The following PLXDC2 variants were observed in gnomAD, a reference collection of about 807,000 sequenced individuals.
PLXDC2 encodes the protein plexin domain containing 2, also known as plexin domain-containing protein 2.
Under a neutral mutation model 68.9 loss-of-function variants are expected in PLXDC2, and 40 were observed. That is an observed-to-expected ratio of 0.58 (90% confidence interval 0.45 to 0.76). The LOEUF (loss-of-function observed/expected upper bound fraction) is 0.76. Among genes scored for constraint, PLXDC2 ranks in the 30% least tolerant of loss-of-function variants. PLXDC2 has a pLI of 0.00. For missense variants in PLXDC2, 644 were observed against 661.9 expected (o/e 0.97, Z 0.30); for synonymous variants, 243 against 234.2 (o/e 1.04, Z -0.34).
chr10:19,829,992 A>G (rs930863256), intron 1 of PLXDC2, among the ~76,000 whole-genome samples: 5 of 152,212 alleles, frequency 3.3e-5, no homozygotes. Flanking sequence ...CAAGATTTTA[A>G]TCCTCTCTAA....
intron 1 of PLXDC2, among the ~76,000 whole-genome samples, chr10:20,000,241 T>A (rs1216605516): frequency 6.6e-6 from 1 of 152,028 alleles, no homozygotes; most frequent in Non-Finnish European, 1.5e-5. Flanking sequence ...CAGGAGGGTG[T>A]CCACACTCAG....
intron 4 of PLXDC2, among the ~76,000 whole-genome samples, chr10:20,128,810 G>A (rs537548386): frequency 7.2e-4 from 109 of 152,210 alleles, no homozygotes; most frequent in Non-Finnish European, 1.4e-3. Context: ...TGACACAAAT[G>A]ACTTCCTTCT....
At chr10:19,884,737 T>C (rs537392833) in intron 1 of PLXDC2, among the ~76,000 whole-genome samples, 26 of 152,352 alleles carry the variant, frequency 1.7e-4, no homozygotes, top group African/African-American at 6.0e-4. Flanking sequence ...CACATTTTCT[T>C]AATCAAGTCT....
intron 4 of PLXDC2, among the ~76,000 whole-genome samples, chr10:20,139,194 C>T (rs537529702): frequency 8.4e-4 from 128 of 152,282 alleles, no homozygotes; most frequent in African/African-American, 3.0e-3. Context: ...GGTACAAGAA[C>T]AAAGCTGTTG....
Position 20,147,774 on chromosome 10 carries a change from G to C in PLXDC2, c.665-10G>C, listed in dbSNP as rs1834098725. The stretch of plus-strand genomic sequence containing the variant: ...TCATTGCATTTCTTCTTTTTTCAAT[G>C]GGTGTATAGGCACAGCACTTGTGGT... On this transcript the variant is annotated splice_polypyrimidine_tract_variant and intron_variant, in intron 5 of 13. Coordinates refer to ENST00000377252, the MANE Select transcript of PLXDC2 (RefSeq NM_032812.9). 6 of 1,482,614 alleles carry C rather than the reference G, an allele frequency of 4.0e-6. No individual in the cohort carries two copies. Among genetic ancestry groups the C allele is most frequent in the Non-Finnish European group, 5.6e-6 (6 of 1,077,464 alleles). 91.8% of individuals were successfully genotyped at this position (1,482,614 alleles called of 1,614,324 possible). A position where few individuals can be genotyped will look rare whatever the true frequency, so the allele number is the denominator to read the frequency against.
chr10:19,945,866 A>G (rs925387043), intron 1 of PLXDC2, among the ~76,000 whole-genome samples: 1 of 152,190 alleles, frequency 6.6e-6, no homozygotes, highest in South Asian at 2.1e-4. Context: ...GATTTATATT[A>G]TGCTGTTCTC....
chr10:20,074,052 A>G lies in PLXDC2; in HGVS notation c.541+5813A>G, dbSNP rs183764010. 7.6e-4 allele frequency among the ~76,000 whole-genome samples: 115 copies of G among 152,246 alleles called. 1 individual carries two copies. Among genetic ancestry groups the G allele is most frequent in the African/African-American group, 2.7e-3 (113 of 41,576 alleles). On this transcript the variant is annotated intron_variant, in intron 4 of 13. Transcript: ENST00000377252. Reference sequence around the variant, plus strand: ...TTATACAGATAATTTTGGCCCCAGAATGTAAGTATGTAGACAGATGGTGGT... The same window carrying G: ...TTATACAGATAATTTTGGCCCCAGAGTGTAAGTATGTAGACAGATGGTGGT...
intron 12 of PLXDC2, among the ~76,000 whole-genome samples, chr10:20,229,947 A>G (rs568977603): frequency 6.6e-6 from 1 of 152,374 alleles, no homozygotes; most frequent in Admixed American, 6.5e-5. Context: ...GCAAAAACAT[A>G]CAGCTCAAAA....
At chr10:20,046,633 T>A (rs1835803501) in intron 2 of PLXDC2, among the ~76,000 whole-genome samples, 1 of 152,112 alleles carries the variant, frequency 6.6e-6, no homozygotes, top group Admixed American at 6.6e-5. Context: ...AAAATTCACA[T>A]TCTAAATTTT....
At chr10:20,257,953 T>C (rs545717086) in intron 13 of PLXDC2, among the ~76,000 whole-genome samples, 5 of 151,950 alleles carry the variant, frequency 3.3e-5, no homozygotes, top group Admixed American at 2.6e-4. Context: ...CTTGGTATTT[T>C]CTACCTGCAA....
At chr10:20,150,692 C>T (rs1366826779) in intron 6 of PLXDC2, among the ~76,000 whole-genome samples, 1 of 152,206 alleles carries the variant, frequency 6.6e-6, no homozygotes, top group Non-Finnish European at 1.5e-5. Context: ...ACTTAGGTCT[C>T]ACCACCTGGA....
intron 4 of PLXDC2, among the ~76,000 whole-genome samples, chr10:20,121,958 G>A (rs1432738708): frequency 6.6e-6 from 1 of 152,070 alleles, no homozygotes; most frequent in African/African-American, 2.4e-5. Flanking sequence ...ATGGTAAGGG[G>A]TGCATGATCG....
chr10:19,893,380 C>T (rs1279867884), intron 1 of PLXDC2, among the ~76,000 whole-genome samples: 2 of 152,110 alleles, frequency 1.3e-5, no homozygotes, highest in East Asian at 3.9e-4. Context: ...AAATAGCTGA[C>T]CGCTTATAAT....
rs528321973 is a variant in PLXDC2, at chr10:19,994,253, C to CT, written c.113-7499dup. Among the ~76,000 whole-genome samples the CT allele has an allele frequency of 2.2e-3, 192 of 87,476 alleles. 1 individual carries two copies. The highest frequency in any genetic ancestry group is 4.6e-3 in the Admixed American group (31 of 6,810). 57.4% of individuals were successfully genotyped at this position (87,476 alleles called of 152,430 possible). A position where few individuals can be genotyped will look rare whatever the true frequency, so the allele number is the denominator to read the frequency against. On this transcript the variant is annotated intron_variant, in intron 1 of 13. Transcript: ENST00000377252. ...TTTCATAGGTTCCCATTGTATTCTC[C>CT]TTTTTTTTTTTTTTTTTTTTTTTAA...
intron 1 of PLXDC2, among the ~76,000 whole-genome samples, chr10:19,935,260 C>T (rs1405696984): frequency 6.6e-6 from 1 of 152,148 alleles, no homozygotes; most frequent in Non-Finnish European, 1.5e-5. Context: ...CGTGCTTCTG[C>T]GCCTGGCTTT....
intron 4 of PLXDC2, among the ~76,000 whole-genome samples, chr10:20,081,320 C>T (rs1276549261): frequency 6.6e-6 from 1 of 152,050 alleles, no homozygotes; most frequent in Non-Finnish European, 1.5e-5. Flanking sequence ...AACTATTCCA[C>T]TAGAGACACC....
intron 1 of PLXDC2, among the ~76,000 whole-genome samples, chr10:19,836,125 C>A (rs1187805310): frequency 6.6e-6 from 1 of 151,736 alleles, no homozygotes; most frequent in Admixed American, 6.6e-5. Context: ...TGCAGTGAGC[C>A]AAGATTGGTC....
At chr10:19,851,940 A>G (rs1268589358) in intron 1 of PLXDC2, among the ~76,000 whole-genome samples, 2 of 152,212 alleles carry the variant, frequency 1.3e-5, no homozygotes. Flanking sequence ...TTTAATCAAT[A>G]AAGAGCCTGA....
At chr10:19,954,530 T>C (rs1834038021) in intron 1 of PLXDC2, among the ~76,000 whole-genome samples, 1 of 152,212 alleles carries the variant, frequency 6.6e-6, no homozygotes, top group Non-Finnish European at 1.5e-5. Flanking sequence ...ATATAGGACT[T>C]AGAACAAAAA....
Sources: gnomAD v4.1 joint callset for allele counts (sites outside exome capture counted in the v4.1 genomes callset) on GRCh38, gnomAD v4.1.1 for gene constraint, MANE v1.5 for transcripts, NCBI Gene and HGNC (gene_info 2026-07-23, HGNC 2026-07-21) for gene names.